PRKN: variants seen among roughly 807,000 people sequenced by gnomAD.
The protein encoded by PRKN is parkin RBR E3 ubiquitin protein ligase.
Under a neutral mutation model 59.5 loss-of-function variants are expected in PRKN, and 56 were observed. That is an observed-to-expected ratio of 0.94 (90% confidence interval 0.76 to 1.18). The LOEUF is 1.18. PRKN is among the 50% of genes most tolerant of loss of function. The pLI is 0.00. For missense variants in PRKN, 657 were observed against 596.4 expected (o/e 1.10, Z -1.06); for synonymous variants, 250 against 222.1 (o/e 1.13, Z -1.12).
At chr6:161,696,202 A>G (rs1786016914) in intron 7 of PRKN, among the ~76,000 whole-genome samples, 1 of 152,192 alleles carries the variant, frequency 6.6e-6, no homozygotes, top group Admixed American at 6.5e-5. Flanking sequence ...AGAATTTTGG[A>G]AAACCATTTT....
chr6:162,723,753 C>G (rs1044725636), intron 1 of PRKN, among the ~76,000 whole-genome samples: 1 of 152,138 alleles, frequency 6.6e-6, no homozygotes, highest in Non-Finnish European at 1.5e-5. Flanking sequence ...AAAGATATGG[C>G]CACAAACACT....
chr6:161,990,745 T>G (rs1008611661), intron 5 of PRKN, among the ~76,000 whole-genome samples: 2 of 152,124 alleles, frequency 1.3e-5, no homozygotes, highest in Non-Finnish European at 2.9e-5. Context: ...AGTAAGCCTA[T>G]GGGATATATG....
At chr6:162,477,303 T>C (rs149894370) in intron 1 of PRKN, among the ~76,000 whole-genome samples, 209 of 152,232 alleles carry the variant, frequency 1.4e-3, no homozygotes, top group African/African-American at 4.5e-3. Context: ...AAAGCAGGTA[T>C]AGGCCAGCTG....
intron 1 of PRKN, among the ~76,000 whole-genome samples, chr6:162,640,536 A>G (rs1777919055): frequency 6.6e-6 from 1 of 152,224 alleles, no homozygotes; most frequent in South Asian, 2.1e-4. Flanking sequence ...TTCCTCATAC[A>G]ACCATAAATA....
chr6:162,099,792 A>G lies in PRKN; in HGVS notation c.535-45618T>C, dbSNP rs530142032. Among the ~76,000 whole-genome samples the G allele has an allele frequency of 4.6e-5, 7 of 152,346 alleles. No homozygotes were observed. In the South Asian group the frequency reaches 1.4e-3, roughly 32 times the overall value. On this transcript the variant is annotated intron_variant, in intron 4 of 11. Coordinates refer to ENST00000366898, the MANE Select transcript of PRKN (RefSeq NM_004562.3). Reference sequence around the variant, plus strand: ...TGGTGACAACACCGAATATCTAGTCATTAGTGATTTTCAAGAATGTAATAC... The same window carrying G: ...TGGTGACAACACCGAATATCTAGTCGTTAGTGATTTTCAAGAATGTAATAC...
intron 2 of PRKN, among the ~76,000 whole-genome samples, chr6:162,371,739 C>T (rs1785780394): frequency 6.6e-6 from 1 of 152,194 alleles, no homozygotes; most frequent in Non-Finnish European, 1.5e-5. Flanking sequence ...TTTTGCTCCA[C>T]TCATCACTTC....
At chr6:161,795,311 T>C (rs1790800566) in intron 6 of PRKN, among the ~76,000 whole-genome samples, 2 of 150,346 alleles carry the variant, frequency 1.3e-5, no homozygotes, top group African/African-American at 4.9e-5. Flanking sequence ...CGGCTCACTG[T>C]AGCCTTCGTC....
rs1785822289 is a variant in PRKN, at chr6:161,378,466, G to T, written c.1167+8328C>A. 6.6e-6 allele frequency among the ~76,000 whole-genome samples: 1 copy of T among 152,206 alleles called. No individual in the cohort carries two copies. Among genetic ancestry groups the T allele is most frequent in the Admixed American group, 6.5e-5 (1 of 15,286 alleles). On this transcript the variant is annotated intron_variant, in intron 10 of 11. Transcript: ENST00000366898. This position sits in a 1 kb window ranked among gnomAD's most constrained non-coding sequence, Gnocchi z 7.3. ...CTCGAGGAGACCAACTAACTGGCCA[G>T]TGGGTGTCAGGTGGATCACAGTGAC...
intron 9 of PRKN, among the ~76,000 whole-genome samples, chr6:161,537,980 C>A (rs1374934435): frequency 1.3e-5 from 2 of 152,156 alleles, no homozygotes; most frequent in Middle Eastern, 3.2e-3. Flanking sequence ...TGTCCCTGAA[C>A]TCTGGTCAAT....
Position 162,158,524 on chromosome 6 carries a change from C to T in PRKN, c.534+42607G>A, listed in dbSNP as rs372762378. Among the ~76,000 whole-genome samples the T allele has an allele frequency of 1.7e-4, 26 of 151,878 alleles. 2 individuals carry two copies. The highest frequency in any genetic ancestry group is 6.3e-4 in the African/African-American group (26 of 41,302). On this transcript the variant is annotated intron_variant, in intron 4 of 11. Transcript: ENST00000366898. ...TTGGCTCACTGCAATCTCCGCCTCCCGGGTTTAAGCAATTCTCCTGCCTCA... is the reference window on the plus strand; with the variant it reads ...TTGGCTCACTGCAATCTCCGCCTCCTGGGTTTAAGCAATTCTCCTGCCTCA...
chr6:162,320,371 A>G (rs1782948109), intron 2 of PRKN, among the ~76,000 whole-genome samples: 1 of 146,580 alleles, frequency 6.8e-6, no homozygotes, highest in Non-Finnish European at 1.5e-5. Context: ...CCAAAAAAAA[A>G]AAAAAAAAAA....
intron 7 of PRKN, among the ~76,000 whole-genome samples, chr6:161,661,317 T>C (rs1401612138): frequency 1.3e-5 from 2 of 150,974 alleles, no homozygotes; most frequent in Non-Finnish European, 3.0e-5. Context: ...CACTGGGCCC[T>C]GGCAGGTTAC....
rs2114971835 is a variant in PRKN, at chr6:161,397,781, A to C, written c.1084-10904T>G. 6.6e-6 allele frequency among the ~76,000 whole-genome samples: 1 copy of C among 152,322 alleles called. No individual in the cohort carries two copies. Among genetic ancestry groups the C allele is most frequent in the Non-Finnish European group, 1.5e-5 (1 of 68,034 alleles). ...GTGCTGAGGAAACCCAGTACTGAGA[A>C]TGGAGAGGTCAATCCTGAGTACAAG... On this transcript the variant is annotated intron_variant, in intron 9 of 11. Transcript: ENST00000366898. This position sits in a 1 kb window ranked among gnomAD's most constrained non-coding sequence, Gnocchi z 4.2.
Position 161,483,958 on chromosome 6 carries a change from T to C in PRKN, c.1083+64896A>G, listed in dbSNP as rs1014609717. Among the ~76,000 whole-genome samples, 2 of 152,068 alleles carry C rather than the reference T, an allele frequency of 1.3e-5. No individual in the cohort carries two copies. Among genetic ancestry groups the C allele is most frequent in the Non-Finnish European group, 2.9e-5 (2 of 68,012 alleles). Reference sequence around the variant, plus strand: ...ACCAAACACTGCCTGTTCTCACTTATAAGTGGGAGCTGAATGATGAGCACA... The same window carrying C: ...ACCAAACACTGCCTGTTCTCACTTACAAGTGGGAGCTGAATGATGAGCACA... On this transcript the variant is annotated intron_variant, in intron 9 of 11. Transcript: ENST00000366898. The surrounding 1 kb of genome is among the most constrained non-coding windows in gnomAD (Gnocchi z 5.0).
chr6:161,870,007 G>A (rs1179013239), intron 6 of PRKN, among the ~76,000 whole-genome samples: 1 of 151,982 alleles, frequency 6.6e-6, no homozygotes, highest in Non-Finnish European at 1.5e-5. Flanking sequence ...CATATATTGA[G>A]CATTTATTAT....
intron 2 of PRKN, among the ~76,000 whole-genome samples, chr6:162,387,114 A>G (rs1259943830): frequency 6.6e-6 from 1 of 152,092 alleles, no homozygotes; most frequent in African/African-American, 2.4e-5. Context: ...TGCACACTAC[A>G]AAATATGCTA....
intron 6 of PRKN, among the ~76,000 whole-genome samples, chr6:161,871,111 T>C (rs1583275338): frequency 6.6e-6 from 1 of 152,066 alleles, no homozygotes; most frequent in Admixed American, 6.6e-5. Flanking sequence ...ATAAGATAGA[T>C]ACTTTGTAGC....
chr6:162,140,828 C>A (rs1054768131), intron 4 of PRKN, among the ~76,000 whole-genome samples: 28 of 152,110 alleles, frequency 1.8e-4, no homozygotes, highest in African/African-American at 6.0e-4. Context: ...CACAGGAAGA[C>A]TGTAAGATTA....
chr6:161,786,587 A>G (rs1790429840), intron 6 of PRKN, among the ~76,000 whole-genome samples: 1 of 152,150 alleles, frequency 6.6e-6, no homozygotes, highest in Admixed American at 6.5e-5. Flanking sequence ...ATGTAATACA[A>G]AACAAAGAAA....
Sources: allele counts gnomAD v4.1 joint callset (sites outside exome capture counted in the v4.1 genomes callset), GRCh38; gene constraint gnomAD v4.1.1; non-coding constraint Gnocchi (gnomAD v3.1); transcripts MANE v1.5; gene names NCBI Gene and HGNC (gene_info 2026-07-23, HGNC 2026-07-21).